ROR1: variants seen among roughly 807,000 people sequenced by gnomAD.
ROR1 encodes the protein inactive tyrosine-protein kinase transmembrane receptor ROR1.
A neutral mutation model predicts 78.8 loss-of-function variants in ROR1; 19 were observed. The observed-to-expected ratio is 0.24, with a 90% CI of 0.17 to 0.35. ROR1 has a LOEUF of 0.35. Ranked by LOEUF, ROR1 falls within the 10% of genes least tolerant of loss-of-function variation. The probability of loss-of-function intolerance (pLI) is 1.00; values close to 1 mark genes in which losing one functional copy is unlikely to be tolerated. For synonymous variants in ROR1, 386 were observed against 433.6 expected (o/e 0.89, Z 1.36); for missense variants, 917 against 1,177.8 (o/e 0.78, Z 3.24).
intron 1 of ROR1, among the ~76,000 whole-genome samples, chr1:63,799,049 C>T (rs201150350): frequency 1.2e-3 from 183 of 152,140 alleles, no homozygotes; most frequent in African/African-American, 4.2e-3. Flanking sequence ...TTATTAGCCA[C>T]GTAATCTTAA....
At chr1:63,865,570 G>C (rs1645210175) in intron 1 of ROR1, among the ~76,000 whole-genome samples, 1 of 152,060 alleles carries the variant, frequency 6.6e-6, no homozygotes, top group African/African-American at 2.4e-5. Flanking sequence ...CCCATACAAG[G>C]GGAAAACAAT....
At chr1:63,840,281 G>GTTT (rs35330369) in intron 1 of ROR1, among the ~76,000 whole-genome samples, 6 of 139,676 alleles carry the variant, frequency 4.3e-5, no homozygotes, top group African/African-American at 5.3e-5. Context: ...TTGTCGTTTA[G>GTTT]TTTTTTTTTT....
intron 4 of ROR1, among the ~76,000 whole-genome samples, chr1:64,056,656 G>A (rs1272822): frequency 0.86 from 128,967 of 150,338 alleles, 55,396 homozygotes; most frequent in East Asian, 0.95. Flanking sequence ...AGCCTGGCCA[G>A]CAGAGCAAGA....
chr1:64,050,011 C>T (rs2100591451), intron 3 of ROR1, 33 bp downstream of exon 3: 1 of 1,608,848 alleles, frequency 6.2e-7, no homozygotes, highest in Non-Finnish European at 8.5e-7. Flanking sequence ...TGGACTTTGG[C>T]CCTCAGCCCA....
At chr1:63,830,000 C>T (rs956480365) in intron 1 of ROR1, among the ~76,000 whole-genome samples, 11 of 150,458 alleles carry the variant, frequency 7.3e-5, no homozygotes, top group Non-Finnish European at 7.4e-5. Context: ...TGGTGAATAT[C>T]ATAGCAATGA....
chr1:64,148,985 A>G (rs2100719794), intron 7 of ROR1, among the ~76,000 whole-genome samples: 1 of 151,906 alleles, frequency 6.6e-6, no homozygotes, highest in South Asian at 2.1e-4. Context: ...GCCCTTGTGT[A>G]GCCTACAATC....
At chr1:64,132,409 TTTAAGTGAGA>T (rs1648944785) in intron 4 of ROR1, among the ~76,000 whole-genome samples, 1 of 152,054 alleles carries the variant, frequency 6.6e-6, no homozygotes, top group African/African-American at 2.4e-5. Context: ...AATTCTTTGG[TTTAAGTGAGA>T]TTTTACAGTC....
intron 2 of ROR1, among the ~76,000 whole-genome samples, chr1:64,036,161 C>T (rs1217524988): frequency 1.3e-5 from 2 of 152,092 alleles, no homozygotes; most frequent in African/African-American, 4.8e-5. Context: ...GTGATTTACC[C>T]AGGGTCACAC....
chr1:63,826,054 T>A (rs186363820), intron 1 of ROR1, among the ~76,000 whole-genome samples: 27 of 152,312 alleles, frequency 1.8e-4, no homozygotes, highest in Admixed American at 1.7e-3. Context: ...AAGACTGATT[T>A]CCCTAAAAGT....
At chr1:63,890,525 G>T (rs1364516923) in intron 1 of ROR1, among the ~76,000 whole-genome samples, 1 of 151,600 alleles carries the variant, frequency 6.6e-6, no homozygotes, top group Non-Finnish European at 1.5e-5. Context: ...GAGAAAGAAG[G>T]TTACAACTCA....
chr1:64,056,167 T>C (rs1350724961), intron 4 of ROR1, among the ~76,000 whole-genome samples: 2 of 152,282 alleles, frequency 1.3e-5, no homozygotes, highest in East Asian at 3.9e-4. Context: ...GGTATGTGTT[T>C]TCAATTCTCT....
intron 4 of ROR1, among the ~76,000 whole-genome samples, chr1:64,069,870 C>T (rs1185656955): frequency 6.6e-6 from 1 of 152,046 alleles, no homozygotes; most frequent in Non-Finnish European, 1.5e-5. Context: ...ACAATTTTAG[C>T]CGTTTTAAAG....
chr1:64,175,563 T>C (rs1375842945), intron 8 of ROR1, among the ~76,000 whole-genome samples: 1 of 152,214 alleles, frequency 6.6e-6, no homozygotes, highest in Non-Finnish European at 1.5e-5. Flanking sequence ...TCAGCACAAG[T>C]AAACTTTCTA....
At chr1:63,787,734 C>G (rs1644700732) in intron 1 of ROR1, among the ~76,000 whole-genome samples, 1 of 152,140 alleles carries the variant, frequency 6.6e-6, no homozygotes, top group Non-Finnish European at 1.5e-5. Context: ...CCATGTTGGC[C>G]AGGCTGGTCT....
In ROR1 at chr1:64,142,440, C is replaced by T. The variant is rs1368004857; in HGVS notation, c.964C>T (p.Arg322Trp). ...TTATAACAGCACAGGTGTGGACTACCGGGGGACCGTCAGTGTGACCAAATC... is the reference window on the plus strand; with the variant it reads ...TTATAACAGCACAGGTGTGGACTACTGGGGGACCGTCAGTGTGACCAAATC... ...KCYNSTGVDY[R>W]GTVSVTKSGR... Residue 322 changes from arginine (R) to tryptophan (W), a missense_variant, in exon 7 of 9, where the codon CGG (arginine) becomes TGG (tryptophan). By Grantham distance (101) the Arg-to-Trp change is moderately radical (BLOSUM62 -3). Around this residue, in one of 3 missense-constraint regions of ROR1, gnomAD observed 835 missense variants for 1,069.8 expected, o/e 0.78. Coordinates refer to ENST00000371079, the MANE Select transcript of ROR1 (RefSeq NM_005012.4). The T allele has an allele frequency of 4.3e-6, 7 of 1,613,954 alleles. No individual in the cohort carries two copies. Among genetic ancestry groups the T allele is most frequent in the East Asian group, 2.2e-5 (1 of 44,888 alleles).
At chr1:64,038,675 T>C (rs968183410) in intron 2 of ROR1, among the ~76,000 whole-genome samples, 1 of 152,222 alleles carries the variant, frequency 6.6e-6, no homozygotes, top group African/African-American at 2.4e-5. Flanking sequence ...ATCATGATTA[T>C]CTCTTTACCT....
At position 64,159,033 on chromosome 1, in the gene ROR1, G is replaced by A. The variant is rs761362216; in HGVS notation, c.1227G>A (p.Val409=). The change falls in exon 8 of 9, where the codon GTG becomes GTA. Residue 409 remains valine (V), a synonymous_variant. Coordinates refer to ENST00000371079, the MANE Select transcript of ROR1 (RefSeq NM_005012.4). ...AAATGGAAATCCTGTACATACTAGT[G>A]CCAAGTGTGGCCATTCCCCTGGCCA... The part of the protein sequence containing the change: ...KNKMEILYIL[V]PSVAIPLAIA... The A allele has an allele frequency of 4.3e-6, 7 of 1,614,028 alleles. No homozygotes were observed. The African/African-American group carries it at 5.3e-5, about 12-fold the overall frequency.
chr1:64,010,417 G>A (rs1646466501), intron 2 of ROR1, among the ~76,000 whole-genome samples: 2 of 140,978 alleles, frequency 1.4e-5, no homozygotes, highest in South Asian at 4.3e-4. Flanking sequence ...ACTCTTATTT[G>A]TAGGAAATTC....
chr1:64,175,280 C>T (rs558711540), intron 8 of ROR1, among the ~76,000 whole-genome samples: 2 of 152,130 alleles, frequency 1.3e-5, no homozygotes, highest in African/African-American at 2.4e-5. Flanking sequence ...AAGCAGCATC[C>T]AGCATTAACT....
Sources: gnomAD v4.1 joint callset for allele counts (sites outside exome capture counted in the v4.1 genomes callset) on GRCh38, gnomAD v4.1.1 for gene constraint, gnomAD v4.1.1 regional missense constraint, MANE v1.5 for transcripts, NCBI Gene and HGNC (gene_info 2026-07-23, HGNC 2026-07-21) for gene names.